The following FMO4 variants were observed in gnomAD, a reference collection of about 807,000 sequenced individuals.
The protein encoded by FMO4 is flavin containing dimethylaniline monoxygenase 4, also known as dimethylaniline monooxygenase [N-oxide-forming] 4.
In FMO4, 38 loss-of-function variants were observed where a neutral mutation model predicts 43.3. The ratio of observed to expected loss-of-function variants is 0.88; its 90% CI spans 0.68 to 1.15. The LOEUF is 1.15. FMO4 is among the 50% of genes most tolerant of loss of function. The pLI, the probability that FMO4 is intolerant of heterozygous loss-of-function variation, is 0.00. For synonymous variants in FMO4, 224 were observed against 232.2 expected (o/e 0.96, Z 0.32); for missense variants, 631 against 663.3 (o/e 0.95, Z 0.54).
At chr1:171,316,455 T>C (rs1320763438) in intron 2 of FMO4, 128 bp downstream of exon 2, 1 of 152,240 alleles carries the variant, frequency 6.6e-6, no homozygotes, top group Non-Finnish European at 1.5e-5. Flanking sequence ...AGTAAATATT[T>C]TGTGCAAGGC....
chr1:171,328,329 C>T (rs1662751324), intron 5 of FMO4, among the ~76,000 whole-genome samples: 1 of 152,116 alleles, frequency 6.6e-6, no homozygotes, highest in Admixed American at 6.5e-5. Flanking sequence ...AGGTGTGAGC[C>T]ACCGCACCCA....
chr1:171,325,342 A>G (rs1662614752), intron 5 of FMO4, among the ~76,000 whole-genome samples: 1 of 152,242 alleles, frequency 6.6e-6, no homozygotes, highest in Admixed American at 6.5e-5. Context: ...ATTGAGGATT[A>G]CTAAAATGTA....
rs556599378 is a variant in FMO4, at chr1:171,316,284, A to G, written c.-52A>G. 3 of 152,246 alleles carry G rather than the reference A, an allele frequency of 2.0e-5. No individual in the cohort carries two copies. The highest frequency in any genetic ancestry group is 7.2e-5 in the African/African-American group (3 of 41,546). 9.4% of individuals were successfully genotyped at this position (152,246 alleles called of 1,614,324 possible). A position where few individuals can be genotyped will look rare whatever the true frequency, so the allele number is the denominator to read the frequency against. ...GTGGAGGCCATTTGTTTCTGATTAG[A>G]AGCTGTCTAAACCTCCTACTCCTCA... On this transcript the variant is annotated 5_prime_UTR_variant, in exon 2 of 10. Coordinates refer to ENST00000367749, the MANE Select transcript of FMO4 (RefSeq NM_002022.3).
intron 5 of FMO4, among the ~76,000 whole-genome samples, chr1:171,328,370 G>T (rs937746946): frequency 3.3e-5 from 5 of 152,168 alleles, no homozygotes; most frequent in Middle Eastern, 3.4e-3. Context: ...GAGGATATGG[G>T]TCGGGCGCGG....
chr1:171,319,195 G>T (rs1428319885), intron 2 of FMO4, among the ~76,000 whole-genome samples: 2 of 152,144 alleles, frequency 1.3e-5, no homozygotes, highest in African/African-American at 4.8e-5. Context: ...CAGTGGGCTT[G>T]CTGGGGAGCT....
chr1:171,327,516 G>A (rs923302309), intron 5 of FMO4, among the ~76,000 whole-genome samples: 1 of 152,076 alleles, frequency 6.6e-6, no homozygotes, highest in African/African-American at 2.4e-5. Context: ...AACAAACAGG[G>A]AGGTTAAGCC....
At chr1:171,333,341 A>T (rs1289918721) in intron 7 of FMO4, among the ~76,000 whole-genome samples, 1 of 152,012 alleles carries the variant, frequency 6.6e-6, no homozygotes, top group Non-Finnish European at 1.5e-5. Flanking sequence ...CTTCTGCCTT[A>T]CCCTCCCAAG....
intron 3 of FMO4, among the ~76,000 whole-genome samples, 187 bp from the exon 4 acceptor site, chr1:171,322,817 C>A (rs1397600658): frequency 6.6e-6 from 1 of 152,198 alleles, no homozygotes; most frequent in Non-Finnish European, 1.5e-5. Context: ...CGCACCACTG[C>A]ACTCTAGCCT....
At chr1:171,341,286 T>A in intron 9 of FMO4, 127 bp from the exon 10 acceptor site, 2 of 662,616 alleles carry the variant, frequency 3.0e-6, no homozygotes, top group Non-Finnish European at 5.1e-6. Context: ...ACAAAAACAT[T>A]CCCAAATATG....
At position 171,323,026 on chromosome 1, in the gene FMO4, C is replaced by T; in HGVS notation, c.155C>T (p.Thr52Ile). The change falls in exon 4 of 10, where the codon ACC becomes ATC. Residue 52 changes from threonine to isoleucine, a missense_variant. Transcript: ENST00000367749. Reference protein sequence around the residue: ...KFTESSKDGMTRVYKSLVTNV... With the variant: ...KFTESSKDGMIRVYKSLVTNV... The stretch of plus-strand genomic sequence containing the variant: ...CAGGAATCTTCCAAAGATGGGATGA[C>T]CAGGGTCTATAAGTCATTAGTGACA... 1 of 1,612,954 alleles carries T rather than the reference C, an allele frequency of 6.2e-7. No homozygotes were observed.
At chr1:171,330,461 A>T (rs963195825) in intron 5 of FMO4, among the ~76,000 whole-genome samples, 1 of 152,212 alleles carries the variant, frequency 6.6e-6, no homozygotes, top group African/African-American at 2.4e-5. Flanking sequence ...TGGGTAATTC[A>T]TAAAGGAAAG....
chr1:171,334,366 T>C, intron 7 of FMO4, 45 bp from the exon 8 acceptor site: 1 of 1,228,310 alleles, frequency 8.1e-7, no homozygotes, highest in Non-Finnish European at 1.1e-6. Flanking sequence ...CTGAAGTTTC[T>C]CATAAAAATA....
At chr1:171,338,882 A>G (rs981388605) in intron 9 of FMO4, among the ~76,000 whole-genome samples, 17 of 152,190 alleles carry the variant, frequency 1.1e-4, no homozygotes, top group Admixed American at 6.5e-4. Context: ...AGCACCTACA[A>G]TGGTGCCTGG....
At position 171,320,428 on chromosome 1, in the gene FMO4, G is replaced by A. The variant is rs117400793; in HGVS notation, c.132+471G>A. Among the ~76,000 whole-genome samples, 18 of 152,298 alleles carry A rather than the reference G, an allele frequency of 1.2e-4. No individual in the cohort carries two copies. The East Asian group carries it at 3.5e-3, about 29-fold the overall frequency. On this transcript the variant is annotated intron_variant, in intron 3 of 9. Transcript: ENST00000367749. ...GAGTGAGGCATGGCCCCAGATCTTG[G>A]AAGGCCTTGTGGGAGGGGGAGGGTT... is the stretch of plus-strand genomic sequence containing the variant.
chr1:171,335,005 G>T (rs1393893487), intron 8 of FMO4, among the ~76,000 whole-genome samples: 1 of 152,178 alleles, frequency 6.6e-6, no homozygotes. Flanking sequence ...AATTTGTCAG[G>T]TTAGCTGAAA....
intron 5 of FMO4, among the ~76,000 whole-genome samples, chr1:171,325,542 C>T (rs16864395): frequency 0.044 from 6,686 of 152,058 alleles, 470 homozygotes; most frequent in African/African-American, 0.15. Context: ...AAATATCCTA[C>T]TCAAAAAGGA....
intron 1 of FMO4, among the ~76,000 whole-genome samples, chr1:171,315,832 T>C (rs1662176145): frequency 6.6e-6 from 1 of 152,188 alleles, no homozygotes; most frequent in Non-Finnish European, 1.5e-5. Context: ...GGCCACTCTG[T>C]GTCACTAACT....
At chr1:171,332,464 A>C (rs1662940610) in intron 6 of FMO4, among the ~76,000 whole-genome samples, 1 of 152,162 alleles carries the variant, frequency 6.6e-6, no homozygotes. Context: ...CAAATATTAT[A>C]CTTCTATATT....
Position 171,341,660 on chromosome 1 carries a change from C to T in FMO4, c.1498C>T (p.Arg500Ter), listed in dbSNP as rs145740321. The T allele has an allele frequency of 3.2e-5, 51 of 1,613,776 alleles. No individual in the cohort carries two copies. The highest frequency in any genetic ancestry group is 3.9e-5 in the Non-Finnish European group (46 of 1,179,968). The stretch of plus-strand genomic sequence containing the variant: ...CAGAACATTGAAACCTTTAAAAACT[C>T]GAATTGTCCCTGATTCCTCCAAGCC... ...WDRTLKPLKT[R>*]IVPDSSKPAS... The change falls in exon 10 of 10, where the codon CGA (arginine) becomes TGA (stop). Residue 500 changes from arginine to a stop codon, truncating the protein, a stop_gained. Coordinates refer to ENST00000367749, the MANE Select transcript of FMO4 (RefSeq NM_002022.3). LOFTEE classifies it low-confidence loss of function (END_TRUNC).
Sources: gnomAD v4.1 joint callset for allele counts (sites outside exome capture counted in the v4.1 genomes callset) on GRCh38, gnomAD v4.1.1 for gene constraint, MANE v1.5 for transcripts, NCBI Gene and HGNC (gene_info 2026-07-23, HGNC 2026-07-21) for gene names.